The following DNM3 variants were observed in gnomAD, a reference collection of about 807,000 sequenced individuals.
DNM3 encodes the protein dynamin-3.
DNM3 carries 47 observed loss-of-function variants against 101.6 expected under a neutral mutation model. That is an observed-to-expected ratio of 0.46 (90% CI 0.37 to 0.59). DNM3 has a LOEUF of 0.59. Among genes scored for constraint, DNM3 ranks in the 20% least tolerant of loss-of-function variants. The pLI, the probability that DNM3 is intolerant of heterozygous loss-of-function variation, is 0.00. For missense variants in DNM3, 849 were observed against 1,085.7 expected (o/e 0.78, Z 3.06); for synonymous variants, 385 against 387.9 (o/e 0.99, Z 0.09).
chr1:172,302,835 A>G (rs1199461074), intron 15 of DNM3, among the ~76,000 whole-genome samples: 2 of 152,212 alleles, frequency 1.3e-5, no homozygotes, highest in African/African-American at 4.8e-5. Context: ...TAGCATCAAC[A>G]TCAACAAAAA....
At chr1:172,050,166 T>C (rs2050106527) in intron 10 of DNM3, among the ~76,000 whole-genome samples, 1 of 152,194 alleles carries the variant, frequency 6.6e-6, no homozygotes, top group South Asian at 2.1e-4. Flanking sequence ...TTGCTAACAC[T>C]CCTCATCCCT....
intron 14 of DNM3, among the ~76,000 whole-genome samples, chr1:172,154,241 G>C (rs2058253179): frequency 6.6e-6 from 1 of 151,924 alleles, no homozygotes; most frequent in Non-Finnish European, 1.5e-5. Context: ...CAAAGAAAGA[G>C]GATTCCTTCT....
intron 14 of DNM3, among the ~76,000 whole-genome samples, chr1:172,247,634 C>G (rs982075300): frequency 4.0e-5 from 6 of 149,668 alleles, no homozygotes; most frequent in Admixed American, 2.0e-4. Flanking sequence ...TAATATTTCT[C>G]TTTATTACTC....
intron 14 of DNM3, among the ~76,000 whole-genome samples, chr1:172,197,561 T>C (rs1259608209): frequency 1.3e-5 from 2 of 152,156 alleles, no homozygotes; most frequent in Non-Finnish European, 2.9e-5. Context: ...TTTTTCCATT[T>C]GTTTGTGTCT....
chr1:172,225,815 A>G (rs1367606972), intron 14 of DNM3, among the ~76,000 whole-genome samples: 2 of 151,760 alleles, frequency 1.3e-5, no homozygotes, highest in Non-Finnish European at 2.9e-5. Context: ...TCTTTTAAAC[A>G]TCTGTCTTTC....
intron 10 of DNM3, among the ~76,000 whole-genome samples, chr1:172,066,566 A>G (rs2051683876): frequency 6.6e-6 from 1 of 152,072 alleles, no homozygotes; most frequent in South Asian, 2.1e-4. Flanking sequence ...TCATGGCCCA[A>G]TCACCTCTTA....
intron 1 of DNM3, among the ~76,000 whole-genome samples, chr1:171,846,963 G>C (rs554062644): frequency 6.6e-6 from 1 of 152,216 alleles, no homozygotes; most frequent in African/African-American, 2.4e-5. Flanking sequence ...GAAAATTCAG[G>C]GTTGGAGAGA....
At chr1:171,847,894 C>CTGTGTG (rs1234956839) in intron 1 of DNM3, among the ~76,000 whole-genome samples, 5 of 139,698 alleles carry the variant, frequency 3.6e-5, no homozygotes, top group Admixed American at 7.0e-5. Context: ...CTCTCTCTCT[C>CTGTGTG]TCTGTGTGTG....
chr1:172,133,151 T>C, intron 14 of DNM3: 1 of 1,363,050 alleles, frequency 7.3e-7, no homozygotes. Flanking sequence ...GAGTAGCTAC[T>C]GCTGTTGGAG....
chr1:172,316,697 A>T (rs1225266728), intron 16 of DNM3, among the ~76,000 whole-genome samples: 1 of 152,140 alleles, frequency 6.6e-6, no homozygotes, highest in Non-Finnish European at 1.5e-5. Flanking sequence ...AACTATCCTA[A>T]ATATATATGC....
At chr1:172,070,967 A>C (rs1337690009) in intron 11 of DNM3, among the ~76,000 whole-genome samples, 1 of 150,356 alleles carries the variant, frequency 6.7e-6, no homozygotes, top group Non-Finnish European at 1.5e-5. Flanking sequence ...CTGCACTACC[A>C]GTAGTCCCAG....
At chr1:171,933,131 A>G (rs1023430299) in intron 2 of DNM3, among the ~76,000 whole-genome samples, 3 of 152,130 alleles carry the variant, frequency 2.0e-5, no homozygotes, top group South Asian at 2.1e-4. Context: ...GGGTTTTTGC[A>G]TTACAGCACT....
chr1:172,288,888 G>A (rs976917470), intron 15 of DNM3, among the ~76,000 whole-genome samples: 1 of 152,184 alleles, frequency 6.6e-6, no homozygotes, highest in African/African-American at 2.4e-5. Flanking sequence ...CTAAATGCAA[G>A]TAGTCTCTTA....
At chr1:172,358,186 G>A (rs574916602) in intron 17 of DNM3, among the ~76,000 whole-genome samples, 4 of 152,080 alleles carry the variant, frequency 2.6e-5, no homozygotes, top group Non-Finnish European at 4.4e-5. Context: ...TTTCCCTTTC[G>A]GGACTTCAAG....
Position 171,917,997 on chromosome 1 carries a change from C to T in DNM3, c.162-3751C>T, listed in dbSNP as rs971088775. Among the ~76,000 whole-genome samples, 25 of 152,138 alleles carry T rather than the reference C, an allele frequency of 1.6e-4. 1 individual carries two copies. Among genetic ancestry groups the T allele is most frequent in the Admixed American group, 1.5e-3 (23 of 15,270 alleles). Reference sequence around the variant, plus strand: ...CTATTCAATATTGTTCGTGTCAGTGCTTTGGCTCCCTGTTGCTGAAGGCAG... The same window carrying T: ...CTATTCAATATTGTTCGTGTCAGTGTTTTGGCTCCCTGTTGCTGAAGGCAG... On this transcript the variant is annotated intron_variant, in intron 1 of 20. Coordinates refer to ENST00000627582, the MANE Select transcript of DNM3 (RefSeq NM_015569.5).
intron 4 of DNM3, among the ~76,000 whole-genome samples, chr1:172,007,079 G>A (rs926890961): frequency 5.9e-5 from 9 of 151,880 alleles, no homozygotes; most frequent in East Asian, 1.9e-4. Flanking sequence ...TCTTTAGGTC[G>A]TTTCTAGTTT....
Position 172,248,632 on chromosome 1 carries a change from G to A in DNM3, c.1660-4941G>A, listed in dbSNP as rs200781655. 4.9e-4 allele frequency among the ~76,000 whole-genome samples: 75 copies of A among 152,140 alleles called. 1 individual carries two copies. In the East Asian group the frequency reaches 8.1e-3, roughly 16 times the overall value. The stretch of plus-strand genomic sequence containing the variant: ...GAACCTGCCTTCTTTCAGAGAAGGC[G>A]TTCCTGGCAAATAGAAGACAACACA... On this transcript the variant is annotated intron_variant, in intron 14 of 20. Transcript: ENST00000627582.
At chr1:172,271,772 G>T (rs2063096787) in intron 15 of DNM3, among the ~76,000 whole-genome samples, 1 of 152,018 alleles carries the variant, frequency 6.6e-6, no homozygotes. Flanking sequence ...TTTTACTTAT[G>T]AATGATTTTG....
chr1:172,352,758 A>G (rs1472768447), intron 17 of DNM3, among the ~76,000 whole-genome samples: 1 of 152,078 alleles, frequency 6.6e-6, no homozygotes. Context: ...AGCAATCAAT[A>G]CCCTGGGCCT....
Sources: gnomAD v4.1 joint callset for allele counts (sites outside exome capture counted in the v4.1 genomes callset) on GRCh38, gnomAD v4.1.1 for gene constraint, MANE v1.5 for transcripts, NCBI Gene and HGNC (gene_info 2026-07-23, HGNC 2026-07-21) for gene names.